FARS2: variants seen among roughly 807,000 people sequenced by gnomAD.
FARS2 encodes the protein phenylalanine--tRNA ligase, mitochondrial.
In FARS2, 40 loss-of-function variants were observed where a neutral mutation model predicts 46.4. The ratio of observed to expected loss-of-function variants is 0.86; its 90% confidence interval spans 0.67 to 1.12. FARS2 has a LOEUF of 1.12. FARS2 is among the 50% of genes most tolerant of loss of function. The pLI is 0.00. For synonymous variants in FARS2, 234 were observed against 214.9 expected (o/e 1.09, Z -0.78); for missense variants, 513 against 567.9 (o/e 0.90, Z 0.98).
At chr6:5,469,286 A>G (rs1168334209) in intron 4 of FARS2, among the ~76,000 whole-genome samples, 1 of 152,150 alleles carries the variant, frequency 6.6e-6, no homozygotes, top group African/African-American at 2.4e-5. Context: ...GCGTTGCTGC[A>G]CTGCCTTGAC....
At chr6:5,473,499 C>A (rs1262470773) in intron 4 of FARS2, among the ~76,000 whole-genome samples, 8 of 144,984 alleles carry the variant, frequency 5.5e-5, no homozygotes, top group African/African-American at 2.1e-4. Context: ...TGCACTCCAG[C>A]CTGGGCGACA....
At chr6:5,761,459 G>A (rs1762471988) in intron 6 of FARS2, among the ~76,000 whole-genome samples, 1 of 152,168 alleles carries the variant, frequency 6.6e-6, no homozygotes, top group Admixed American at 6.5e-5. Flanking sequence ...AATAAATGCT[G>A]ATCAATTGCT....
At chr6:5,302,403 G>A (rs1024622390) in intron 1 of FARS2, among the ~76,000 whole-genome samples, 3 of 152,066 alleles carry the variant, frequency 2.0e-5, no homozygotes, top group Non-Finnish European at 4.4e-5. Flanking sequence ...TCAGAGAGTC[G>A]CAAAGCTGCT....
At chr6:5,752,186 C>A (rs1320428638) in intron 6 of FARS2, among the ~76,000 whole-genome samples, 1 of 152,186 alleles carries the variant, frequency 6.6e-6, no homozygotes, top group Non-Finnish European at 1.5e-5. Context: ...CCCCCGCCCC[C>A]ATCAGAAATC....
chr6:5,692,180 G>GCTGCACCCACTGTT (rs1407791447), intron 6 of FARS2, among the ~76,000 whole-genome samples: 6 of 152,162 alleles, frequency 3.9e-5, no homozygotes, highest in Non-Finnish European at 1.5e-5. Flanking sequence ...TGCTCGGTGC[G>GCTGCACCCACTGTT]CTGCACCCAC....
intron 6 of FARS2, among the ~76,000 whole-genome samples, chr6:5,763,068 G>A (rs1762567834): frequency 1.3e-5 from 2 of 152,212 alleles, no homozygotes; most frequent in South Asian, 2.1e-4. Flanking sequence ...GTTAACTGAT[G>A]GAGCCCCATC....
chr6:5,660,650 GA>G (rs58377881), intron 6 of FARS2, among the ~76,000 whole-genome samples: 39,122 of 104,054 alleles, frequency 0.38, 6,424 homozygotes, highest in East Asian at 0.46. Flanking sequence ...CCCTGTCTCA[GA>G]AAAAAAAAAA....
chr6:5,312,301 G>A (rs978769960), intron 1 of FARS2, among the ~76,000 whole-genome samples: 1 of 152,086 alleles, frequency 6.6e-6, no homozygotes, highest in Admixed American at 6.6e-5. Context: ...TAATCTATAA[G>A]TCTCATAGCT....
chr6:5,401,034 A>T (rs1761225733), intron 2 of FARS2, among the ~76,000 whole-genome samples: 1 of 151,710 alleles, frequency 6.6e-6, no homozygotes, highest in Non-Finnish European at 1.5e-5. Flanking sequence ...CTGTCCATCC[A>T]TTTGTTTTTA....
chr6:5,685,502 G>T (rs1160426493), intron 6 of FARS2, among the ~76,000 whole-genome samples: 2 of 152,170 alleles, frequency 1.3e-5, no homozygotes, highest in Non-Finnish European at 2.9e-5. Context: ...TGAGGTGACT[G>T]GCCCACTGTG....
chr6:5,727,024 G>C lies in FARS2; in HGVS notation c.1218-44267G>C, dbSNP rs1264100155. 2.0e-5 allele frequency among the ~76,000 whole-genome samples: 3 copies of C among 152,232 alleles called. No homozygotes were observed. The highest frequency in any genetic ancestry group is 4.4e-5 in the Non-Finnish European group (3 of 68,040). On this transcript the variant is annotated intron_variant, in intron 6 of 6. Coordinates refer to ENST00000274680, the MANE Select transcript of FARS2 (RefSeq NM_006567.5). This position sits in a 1 kb window ranked among gnomAD's most constrained non-coding sequence, Gnocchi z 4.1. ...TGTCAACTGCAAATGGTATGGCCTT[G>C]GGTCAGATACTTGGCCTCATTGAGC...
At chr6:5,610,008 A>C in intron 5 of FARS2, 1 of 1,019,170 alleles carries the variant, frequency 9.8e-7, no homozygotes, top group Non-Finnish European at 1.5e-6. Context: ...CCTCCTCCGC[A>C]GTGGCATAGT....
chr6:5,615,823 T>C (rs569996417), intron 6 of FARS2, among the ~76,000 whole-genome samples: 3 of 152,092 alleles, frequency 2.0e-5, no homozygotes, highest in Non-Finnish European at 4.4e-5. Context: ...CTCTTAAGGC[T>C]TTATTTTTCT....
chr6:5,720,610 G>A (rs1431670017), intron 6 of FARS2, among the ~76,000 whole-genome samples: 1 of 152,150 alleles, frequency 6.6e-6, no homozygotes, highest in African/African-American at 2.4e-5. Context: ...ACATTCATAA[G>A]TCTCAAGATT....
At chr6:5,487,763 C>T (rs1410575234) in intron 4 of FARS2, among the ~76,000 whole-genome samples, 3 of 152,196 alleles carry the variant, frequency 2.0e-5, no homozygotes, top group African/African-American at 7.2e-5. Flanking sequence ...TTTGACCAGA[C>T]TGCTCCAAAG....
chr6:5,447,063 G>A (rs1764224829), intron 4 of FARS2, among the ~76,000 whole-genome samples: 1 of 152,214 alleles, frequency 6.6e-6, no homozygotes. Context: ...CCTTCTGGTA[G>A]TAGTGAGGCA....
At chr6:5,371,973 AAG>A (rs1179933231) in intron 2 of FARS2, among the ~76,000 whole-genome samples, 2 of 152,122 alleles carry the variant, frequency 1.3e-5, no homozygotes, top group Admixed American at 6.5e-5. Context: ...GGGCAGGAAA[AAG>A]AGATATCAAG....
upstream of FARS2, chr6:5,260,584 G>T: frequency 7.6e-7 from 1 of 1,309,510 alleles, no homozygotes. Context: ...TTCCGCGTCA[G>T]CCCGCACCCC....
At chr6:5,353,730 T>TTTA (rs1757729241) in intron 1 of FARS2, among the ~76,000 whole-genome samples, 1 of 140,656 alleles carries the variant, frequency 7.1e-6, no homozygotes. Context: ...TTTGGTGTTT[T>TTTA]TTTTTTTTTT....
Sources: gnomAD v4.1 joint callset for allele counts (sites outside exome capture counted in the v4.1 genomes callset) on GRCh38, gnomAD v4.1.1 for gene constraint, Gnocchi (gnomAD v3.1) non-coding constraint, MANE v1.5 for transcripts, NCBI Gene and HGNC (gene_info 2026-07-23, HGNC 2026-07-21) for gene names.